The following CEP57L1 variants were observed in gnomAD, a reference collection of about 807,000 sequenced individuals.
CEP57L1 encodes the protein centrosomal protein 57 like 1.
CEP57L1 carries 37 observed loss-of-function variants against 61.0 expected under a neutral mutation model. The ratio of observed to expected loss-of-function variants is 0.61; its 90% confidence interval spans 0.47 to 0.80. The LOEUF is 0.80. CEP57L1 is among the 30% of genes least tolerant of loss of function. CEP57L1 has a pLI of 0.00. For missense variants in CEP57L1, 422 were observed against 524.7 expected, an observed-to-expected ratio of 0.80 and a Z score of 1.91; for synonymous variants, 137 against 162.3, an observed-to-expected ratio of 0.84 and a Z score of 1.19.
chr6:109,103,349 A>G (rs187131215), intron 1 of CEP57L1, among the ~76,000 whole-genome samples: 9 of 152,048 alleles, frequency 5.9e-5, no homozygotes, highest in African/African-American at 1.9e-4. Flanking sequence ...TGTGGGGTAT[A>G]TGTGTATTGC....
chr6:109,120,245 T>G (rs1772795106), intron 1 of CEP57L1, among the ~76,000 whole-genome samples: 1 of 152,174 alleles, frequency 6.6e-6, no homozygotes, highest in Admixed American at 6.5e-5. Context: ...CATTATCAAA[T>G]AATCTAGGTT....
At chr6:109,132,752 C>T (rs1173214955) in intron 1 of CEP57L1, among the ~76,000 whole-genome samples, 1 of 152,150 alleles carries the variant, frequency 6.6e-6, no homozygotes, top group African/African-American at 2.4e-5. Context: ...CATAGTTCTA[C>T]ATCATTTCTA....
intron 1 of CEP57L1, among the ~76,000 whole-genome samples, chr6:109,096,180 A>G (rs547014578): frequency 6.6e-6 from 1 of 152,362 alleles, no homozygotes; most frequent in Non-Finnish European, 1.5e-5. Context: ...TTATTTGAGA[A>G]AAGTCGAGGT....
Position 109,173,397 on chromosome 6 carries a change from T to C in CEP57L1, c.*10427T>C, listed in dbSNP as rs1265213440. 6.6e-6 allele frequency among the ~76,000 whole-genome samples: 1 copy of C among 150,860 alleles called. No individual in the cohort carries two copies. The highest frequency in any genetic ancestry group is 1.5e-5 in the Non-Finnish European group (1 of 67,758). On this transcript the variant is annotated 3_prime_UTR_variant, in exon 11 of 11. Transcript: ENST00000517392. ...AAGAAGAAAGGAATCTTTCCTTTCC[T>C]TCCCCCTCAGCCCGCCCCCTACCTT...
intron 1 of CEP57L1, among the ~76,000 whole-genome samples, chr6:109,134,620 A>T (rs910799866): frequency 8.5e-5 from 13 of 152,192 alleles, no homozygotes; most frequent in African/African-American, 3.1e-4. Flanking sequence ...AGGAAATCAA[A>T]TTGTCCCTGT....
chr6:109,146,954 T>A lies in CEP57L1; in HGVS notation c.340+17T>A. On this transcript the variant is annotated intron_variant, in intron 3 of 10. Coordinates refer to ENST00000517392, the MANE Select transcript of CEP57L1 (RefSeq NM_001271852.3). ...AGAAAAAAGGTAAGAAATGCAGTAGTTCTCAGAAACCGGGGGTTACTGGAG... is the reference window on the plus strand; with the variant it reads ...AGAAAAAAGGTAAGAAATGCAGTAGATCTCAGAAACCGGGGGTTACTGGAG... The A allele has an allele frequency of 6.3e-7, 1 of 1,591,196 alleles. No individual in the cohort carries two copies. The highest frequency in any genetic ancestry group is 8.5e-7 in the Non-Finnish European group (1 of 1,172,076).
chr6:109,098,169 C>T (rs761794614), intron 1 of CEP57L1, among the ~76,000 whole-genome samples: 27 of 152,172 alleles, frequency 1.8e-4, no homozygotes, highest in East Asian at 3.9e-4. Flanking sequence ...TCTGTCTCAA[C>T]GGAGTTTTGC....
chr6:109,121,411 A>C (rs1276957024), intron 1 of CEP57L1, among the ~76,000 whole-genome samples: 1 of 152,212 alleles, frequency 6.6e-6, no homozygotes, highest in East Asian at 1.9e-4. Flanking sequence ...CTTTTCTGGA[A>C]AATTACAGAA....
intron 1 of CEP57L1, among the ~76,000 whole-genome samples, chr6:109,100,525 AT>A (rs1192007658): frequency 6.6e-6 from 1 of 151,870 alleles, no homozygotes; most frequent in Non-Finnish European, 1.5e-5. Flanking sequence ...AAATACAAAA[AT>A]TAGCCAGGCG....
intron 1 of CEP57L1, among the ~76,000 whole-genome samples, chr6:109,134,430 T>C (rs1774577203): frequency 6.6e-6 from 1 of 152,158 alleles, no homozygotes; most frequent in African/African-American, 2.4e-5. Context: ...ATAAGAGCTA[T>C]TTATGACAGA....
chr6:109,102,995 G>A (rs1292524210), intron 1 of CEP57L1, among the ~76,000 whole-genome samples: 2 of 152,164 alleles, frequency 1.3e-5, no homozygotes, highest in Non-Finnish European at 2.9e-5. Flanking sequence ...CTACAATTAA[G>A]AATATTATTC....
chr6:109,095,283 A>G, upstream of CEP57L1: 2 of 985,868 alleles, frequency 2.0e-6, no homozygotes, highest in Non-Finnish European at 2.4e-6. Context: ...AGACTTCGTC[A>G]CACATAAAAC....
In CEP57L1 at chr6:109,110,240, G is replaced by C. The variant is rs1043086327; in HGVS notation, c.-4+14665G>C. 2.0e-5 allele frequency among the ~76,000 whole-genome samples: 3 copies of C among 152,136 alleles called. No homozygotes were observed. The South Asian group carries it at 6.2e-4, about 32-fold the overall frequency. On this transcript the variant is annotated intron_variant, in intron 1 of 10. Transcript: ENST00000517392. ...TTTTAAATGATTGCCATTCTAACTG[G>C]CATGAGATGGTATCTTATTGTGGTT...
intron 1 of CEP57L1, among the ~76,000 whole-genome samples, chr6:109,135,830 G>T (rs1770601938): frequency 6.6e-6 from 1 of 152,192 alleles, no homozygotes; most frequent in Admixed American, 6.5e-5. Flanking sequence ...ATCATCACTG[G>T]CCATCAGAGA....
rs1397763615 is a variant in CEP57L1, at chr6:109,166,336, G to A, written c.*3366G>A. Among the ~76,000 whole-genome samples, 1 of 150,168 alleles carries A rather than the reference G, an allele frequency of 6.7e-6. No individual in the cohort carries two copies. Among genetic ancestry groups the A allele is most frequent in the African/African-American group, 2.4e-5 (1 of 40,870 alleles). The stretch of plus-strand genomic sequence containing the variant: ...TCTATACCTGCCAGTAGATGTGAGA[G>A]CTTTTCTTACTTTAAAAGTGTAATT... On this transcript the variant is annotated 3_prime_UTR_variant, in exon 11 of 11. Coordinates refer to ENST00000517392, the MANE Select transcript of CEP57L1 (RefSeq NM_001271852.3).
Position 109,145,364 on chromosome 6 carries a change from A to C in CEP57L1, c.143A>C (p.His48Pro). The change falls in exon 2 of 11, where the codon CAT becomes CCT. Residue 48 changes from histidine to proline, a missense_variant. Physicochemically the swap from His to Pro is moderately conservative, Grantham distance 77. Coordinates refer to ENST00000517392, the MANE Select transcript of CEP57L1 (RefSeq NM_001271852.3). ...GAAGTTACCTCTCCTAAGATACTTC[A>C]TAGCCCAAATAGCCAAGGTAATGCT... ...NLEVTSPKIL[H>P]SPNSQALILA... 6.3e-7 allele frequency: 1 copy of C among 1,599,798 alleles called. No individual in the cohort carries two copies. The highest frequency in any genetic ancestry group is 8.5e-7 in the Non-Finnish European group (1 of 1,173,606).
chr6:109,105,728 GAT>G (rs1258262667), intron 1 of CEP57L1, among the ~76,000 whole-genome samples: 1 of 152,104 alleles, frequency 6.6e-6, no homozygotes, highest in African/African-American at 2.4e-5. Flanking sequence ...ACATTTTCTA[GAT>G]AGATTATCTA....
chr6:109,169,873 A>G lies in CEP57L1; in HGVS notation c.*6903A>G, dbSNP rs537016517. On this transcript the variant is annotated 3_prime_UTR_variant, in exon 11 of 11. Coordinates refer to ENST00000517392, the MANE Select transcript of CEP57L1 (RefSeq NM_001271852.3). ...CATCAACAGTCAGTGGCACCATGAA[A>G]ATTAAAAACCTGATAATACCACCAA... Among the ~76,000 whole-genome samples, 1 of 152,212 alleles carries G rather than the reference A, an allele frequency of 6.6e-6. No homozygotes were observed. Among genetic ancestry groups the G allele is most frequent in the Non-Finnish European group, 1.5e-5 (1 of 68,042 alleles).
chr6:109,111,600 C>T lies in CEP57L1; in HGVS notation c.-4+16025C>T, dbSNP rs375589546. 1.9e-3 allele frequency among the ~76,000 whole-genome samples: 286 copies of T among 152,232 alleles called. 8 individuals carry two copies. The South Asian group carries it at 0.053, about 28-fold the overall frequency. ...GAGAGAGGGCATCCTTGTCTTCTGC[C>T]GGTTTTCAAAGGGAATGCTTCCAGT... On this transcript the variant is annotated intron_variant, in intron 1 of 10. Coordinates refer to ENST00000517392, the MANE Select transcript of CEP57L1 (RefSeq NM_001271852.3).
Sources: allele counts gnomAD v4.1 joint callset (sites outside exome capture counted in the v4.1 genomes callset), GRCh38; gene constraint gnomAD v4.1.1; transcripts MANE v1.5; gene names NCBI Gene and HGNC (gene_info 2026-07-23, HGNC 2026-07-21).